UBE4B: variants seen among roughly 807,000 people sequenced by gnomAD.
The protein encoded by UBE4B is ubiquitination factor E4B, also known as ubiquitin conjugation factor E4 B.
A neutral mutation model predicts 148.1 loss-of-function variants in UBE4B; 27 were observed. The ratio of observed to expected loss-of-function variants is 0.18; its 90% CI spans 0.13 to 0.25. The LOEUF (loss-of-function observed/expected upper bound fraction) is 0.25, where lower values mean the gene tolerates loss of function less well. UBE4B is among the 10% of genes least tolerant of loss of function. The pLI, the probability that UBE4B is intolerant of heterozygous loss-of-function variation, is 1.00. For synonymous variants in UBE4B, 596 were observed against 619.3 expected, an observed-to-expected ratio of 0.96 and a Z score of 0.56; for missense variants, 1,170 against 1,662.4, an observed-to-expected ratio of 0.70 and a Z score of 5.15.
At chr1:10,164,970 A>AC (rs1268910150) in intron 23 of UBE4B, among the ~76,000 whole-genome samples, 1 of 151,708 alleles carries the variant, frequency 6.6e-6, no homozygotes, top group African/African-American at 2.4e-5. Flanking sequence ...GTACCCTCCT[A>AC]CCCCCAGCCT....
chr1:10,130,138 A>G (rs747737061), intron 12 of UBE4B, among the ~76,000 whole-genome samples: 27 of 152,054 alleles, frequency 1.8e-4, no homozygotes, highest in Non-Finnish European at 2.6e-4. Flanking sequence ...CAGTGGCGCA[A>G]TCTCAGCTCA....
At chr1:10,154,577 C>G (rs929118357) in intron 21 of UBE4B, among the ~76,000 whole-genome samples, 1 of 152,102 alleles carries the variant, frequency 6.6e-6, no homozygotes, top group Non-Finnish European at 1.5e-5. Flanking sequence ...GTGACTCACG[C>G]CTGTAATCCC....
At chr1:10,122,267 G>A (rs187933915) in intron 10 of UBE4B, among the ~76,000 whole-genome samples, 191 bp downstream of exon 10, 6 of 152,226 alleles carry the variant, frequency 3.9e-5, no homozygotes, top group African/African-American at 1.2e-4. Flanking sequence ...CCATTTCAAC[G>A]AATCAGTCAA....
intron 20 of UBE4B, 142 bp from the exon 21 acceptor site, chr1:10,151,184 T>C: frequency 1.5e-6 from 1 of 682,940 alleles, no homozygotes; most frequent in Non-Finnish European, 2.4e-6. Context: ...AAAGTCACTG[T>C]AAACTGAATG....
chr1:10,106,131 T>A lies in UBE4B; in HGVS notation c.810-66T>A. 2.7e-6 allele frequency: 4 copies of A among 1,487,164 alleles called. No homozygotes were observed. Among genetic ancestry groups the A allele is most frequent in the Non-Finnish European group, 3.6e-6 (4 of 1,107,818 alleles). The allele number at this position is 1,487,164 out of a possible 1,614,324, so 92.1% of individuals were successfully genotyped here. On this transcript the variant is annotated intron_variant, in intron 6 of 27. Transcript: ENST00000343090. The surrounding 1 kb of genome is among the most constrained non-coding windows in gnomAD (Gnocchi z 4.2). ...CTTTAAAAGCTTGATATTTTCTGTTTTAGTTAGTTATCTCAAGTTTTTCTT... is the reference window on the plus strand; with the variant it reads ...CTTTAAAAGCTTGATATTTTCTGTTATAGTTAGTTATCTCAAGTTTTTCTT...
chr1:10,098,013 G>A (rs969193785), intron 3 of UBE4B, among the ~76,000 whole-genome samples: 1 of 151,934 alleles, frequency 6.6e-6, no homozygotes, highest in Non-Finnish European at 1.5e-5. Flanking sequence ...TGGGATTACA[G>A]ACATGGGCCA....
chr1:10,059,940 T>G (rs878870495), intron 1 of UBE4B, among the ~76,000 whole-genome samples: 2 of 152,040 alleles, frequency 1.3e-5, no homozygotes, highest in Admixed American at 1.3e-4. Flanking sequence ...TGCTAGTGCT[T>G]TGTTTACTTG....
chr1:10,046,862 C>G, intron 1 of UBE4B, among the ~76,000 whole-genome samples: 1 of 152,168 alleles, frequency 6.6e-6, no homozygotes, highest in East Asian at 1.9e-4. Flanking sequence ...GCGGACATTC[C>G]TCAGGCAGAC....
intron 25 of UBE4B, 36 bp downstream of exon 25, chr1:10,171,365 T>G (rs771469061): frequency 6.3e-7 from 1 of 1,599,206 alleles, no homozygotes; most frequent in Non-Finnish European, 8.5e-7. Flanking sequence ...GTGAGTTTAC[T>G]GGCAGATTTG....
chr1:10,153,981 C>CT (rs1646023464), intron 21 of UBE4B, among the ~76,000 whole-genome samples: 1 of 152,200 alleles, frequency 6.6e-6, no homozygotes, highest in Admixed American at 6.5e-5. Flanking sequence ...ACTTGGGAGG[C>CT]TGAGGCAGGA....
intron 9 of UBE4B, among the ~76,000 whole-genome samples, chr1:10,121,274 G>T (rs1645405182): frequency 6.6e-6 from 1 of 152,002 alleles, no homozygotes; most frequent in African/African-American, 2.4e-5. Flanking sequence ...AGAATCACTT[G>T]AACCCGGGAG....
At chr1:10,137,925 T>TTTTTC (rs1273632587) in intron 17 of UBE4B, among the ~76,000 whole-genome samples, 1 of 103,770 alleles carries the variant, frequency 9.6e-6, no homozygotes, top group Non-Finnish European at 1.9e-5. Context: ...CTAATTCTTT[T>TTTTTC]TTTTTTTTTT....
At chr1:10,172,483 A>G (rs1475283039) in intron 25 of UBE4B, among the ~76,000 whole-genome samples, 3 of 152,186 alleles carry the variant, frequency 2.0e-5, no homozygotes, top group Non-Finnish European at 4.4e-5. Context: ...ATCCATGTCC[A>G]GGCAGCCTGG....
At chr1:10,148,352 C>T (rs1338189284) in intron 19 of UBE4B, among the ~76,000 whole-genome samples, 1 of 152,078 alleles carries the variant, frequency 6.6e-6, no homozygotes, top group Non-Finnish European at 1.5e-5. Flanking sequence ...GTCAAGAAGG[C>T]TGGGCGTGGT....
At chr1:10,160,921 C>T (rs185667991) in intron 22 of UBE4B, among the ~76,000 whole-genome samples, 10 of 152,096 alleles carry the variant, frequency 6.6e-5, no homozygotes, top group Admixed American at 5.9e-4. Context: ...CCAGGCTGGG[C>T]GACAGAGTGA....
chr1:10,155,439 G>A (rs1646053464), intron 21 of UBE4B, among the ~76,000 whole-genome samples: 1 of 152,240 alleles, frequency 6.6e-6, no homozygotes, highest in Admixed American at 6.5e-5. Context: ...CTGAAGGTCA[G>A]TGGCTAGCAA....
rs1646281120 is a variant in UBE4B, at chr1:10,168,059, C to G, written c.3199-77C>G. ...GCATGTTGGGTTTATCACGCACTTTCCAGTTATGTGCTTGGCGCTTTGCTG... is the reference window on the plus strand; with the variant it reads ...GCATGTTGGGTTTATCACGCACTTTGCAGTTATGTGCTTGGCGCTTTGCTG... On this transcript the variant is annotated intron_variant, in intron 23 of 27. Transcript: ENST00000343090. This position sits in a 1 kb window ranked among gnomAD's most constrained non-coding sequence, Gnocchi z 4.9. 1 of 1,512,000 alleles carries G rather than the reference C, an allele frequency of 6.6e-7. No homozygotes were observed. Among genetic ancestry groups the G allele is most frequent in the Non-Finnish European group, 8.9e-7 (1 of 1,126,846 alleles). 93.7% of individuals were successfully genotyped at this position (1,512,000 alleles called of 1,614,324 possible).
Position 10,045,328 on chromosome 1 carries a change from A to T in UBE4B, c.24+11634A>T, listed in dbSNP as rs78413623. Among the ~76,000 whole-genome samples the T allele has an allele frequency of 4.8e-3, 738 of 152,286 alleles. 3 individuals are homozygous for T. Among genetic ancestry groups the T allele is most frequent in the Middle Eastern group, 0.01 (3 of 294 alleles). On this transcript the variant is annotated intron_variant, in intron 1 of 27. Transcript: ENST00000343090. ...GAAGCCATGTCACATTTTGTAACTG[A>T]ACATACAGTTAGGAGGATTGCATTT...
chr1:10,038,653 C>A lies in UBE4B; in HGVS notation c.24+4959C>A, dbSNP rs187591479. 2.6e-5 allele frequency among the ~76,000 whole-genome samples: 4 copies of A among 152,268 alleles called. No homozygotes were observed. In the East Asian group the frequency reaches 5.8e-4, roughly 22 times the overall value. On this transcript the variant is annotated intron_variant, in intron 1 of 27. Coordinates refer to ENST00000343090, the MANE Select transcript of UBE4B (RefSeq NM_001105562.3). ...TTCACCACAGCTTTTGTATCAACAT[C>A]CTACGTAACACTGACCCACTCTGTT...
Sources: allele counts gnomAD v4.1 joint callset (sites outside exome capture counted in the v4.1 genomes callset), GRCh38; gene constraint gnomAD v4.1.1; non-coding constraint Gnocchi (gnomAD v3.1); transcripts MANE v1.5; gene names NCBI Gene and HGNC (gene_info 2026-07-23, HGNC 2026-07-21).